Variants in GATB observed in about 807,000 individuals in gnomAD.
GATB encodes the protein glutamyl-tRNA(Gln) amidotransferase subunit B, mitochondrial.
In GATB, 39 loss-of-function variants were observed where a neutral mutation model predicts 62.3. The observed-to-expected ratio is 0.63, with a 90% CI of 0.48 to 0.82. GATB has a LOEUF of 0.82. Ranked by LOEUF, GATB falls within the 40% of genes least tolerant of loss-of-function variation. GATB has a pLI of 0.00. For synonymous variants in GATB, 276 were observed against 258.9 expected (o/e 1.07, Z -0.63); for missense variants, 670 against 684.0 (o/e 0.98, Z 0.23).
At chr4:151,698,150 G>T (rs192312211) in intron 9 of GATB, among the ~76,000 whole-genome samples, 1 of 151,494 alleles carries the variant, frequency 6.6e-6, no homozygotes, top group Admixed American at 6.6e-5. Flanking sequence ...CAGGAACACT[G>T]CTTCTCCCAG....
At chr4:151,671,656 G>T (rs1006007378) in intron 12 of GATB, among the ~76,000 whole-genome samples, 1 of 152,152 alleles carries the variant, frequency 6.6e-6, no homozygotes, top group Non-Finnish European at 1.5e-5. Flanking sequence ...GAATCACTGC[G>T]TCTAATCAGT....
chr4:151,695,363 G>A (rs1318519912), intron 9 of GATB, among the ~76,000 whole-genome samples: 2 of 152,128 alleles, frequency 1.3e-5, no homozygotes, highest in East Asian at 1.9e-4. Context: ...AGCCCTCCCA[G>A]CTCCAAAGTG....
At chr4:151,680,103 C>T (rs927192633) in intron 10 of GATB, among the ~76,000 whole-genome samples, 1 of 152,004 alleles carries the variant, frequency 6.6e-6, no homozygotes, top group Non-Finnish European at 1.5e-5. Context: ...AGTGTTCTTT[C>T]TTTCACCACC....
chr4:151,690,008 T>A (rs558006545), intron 9 of GATB, among the ~76,000 whole-genome samples: 1 of 152,344 alleles, frequency 6.6e-6, no homozygotes. Context: ...CCTTTACCCA[T>A]GGAAATTCAA....
chr4:151,688,643 C>G lies in GATB; in HGVS notation c.1318G>C (p.Ala440Pro). The stretch of plus-strand genomic sequence containing the variant: ...GACCTCACTCACCTCTCACTGACAG[C>G]GAGGTTCTGTTGCTTTAAATAGCCC... Reference protein sequence around the residue: ...FLGYLKQQNLAVSESPVTPSA... With the variant: ...FLGYLKQQNLPVSESPVTPSA... Residue 440 changes from alanine to proline, a missense_variant, in exon 10 of 13, where the codon GCT (alanine) becomes CCT (proline). Coordinates refer to ENST00000263985, the MANE Select transcript of GATB (RefSeq NM_004564.3). 6.2e-7 allele frequency: 1 copy of G among 1,606,590 alleles called. No homozygotes were observed. The highest frequency in any genetic ancestry group is 8.5e-7 in the Non-Finnish European group (1 of 1,178,092).
chr4:151,705,485 C>T (rs550017547), intron 6 of GATB, among the ~76,000 whole-genome samples: 2 of 152,280 alleles, frequency 1.3e-5, no homozygotes, highest in East Asian at 1.9e-4. Context: ...AGGCTCACTC[C>T]GTGTTGAGAC....
In GATB at chr4:151,719,364, C is replaced by T. The variant is rs145379563; in HGVS notation, c.441+61G>A. ...GCCCCTTTCCCTTGCTCCGACCCCC[C>T]ACAGCAGGGCTGGCCCAGCTCTGAG... On this transcript the variant is annotated intron_variant, in intron 3 of 12. Transcript: ENST00000263985. The T allele has an allele frequency of 4.9e-6, 6 of 1,220,338 alleles. No homozygotes were observed. In the Admixed American group the frequency reaches 5.3e-5, roughly 11 times the overall value. The allele number at this position is 1,220,338 out of a possible 1,614,324, so 75.6% of individuals were successfully genotyped here.
intron 9 of GATB, among the ~76,000 whole-genome samples, chr4:151,693,504 C>T (rs1738410097): frequency 9.5e-6 from 1 of 105,096 alleles, no homozygotes; most frequent in Non-Finnish European, 1.9e-5. Flanking sequence ...GAAACACGAC[C>T]CCCCCCTCAA....
intron 2 of GATB, among the ~76,000 whole-genome samples, chr4:151,752,264 T>C (rs1739736002): frequency 6.6e-6 from 1 of 152,212 alleles, no homozygotes; most frequent in South Asian, 2.1e-4. Flanking sequence ...ATTAAGTTTC[T>C]TGACATGCCT....
chr4:151,722,408 C>T (rs2126981044), intron 2 of GATB: 3 of 571,166 alleles, frequency 5.3e-6, no homozygotes, highest in South Asian at 4.5e-5. Context: ...CATTCTGTTA[C>T]CTGAAGTCCC....
intron 2 of GATB, among the ~76,000 whole-genome samples, chr4:151,728,162 C>T (rs1560858696): frequency 6.6e-6 from 1 of 152,124 alleles, no homozygotes; most frequent in African/African-American, 2.4e-5. Context: ...CCTGGATAAC[C>T]TTGTATGCCT....
intron 2 of GATB, chr4:151,720,544 G>A (rs1343883459): frequency 6.6e-6 from 1 of 152,096 alleles, no homozygotes; most frequent in Admixed American, 6.5e-5. Flanking sequence ...TTTTTGTTAG[G>A]ATATTTATGA....
At position 151,672,810 on chromosome 4, in the gene GATB, C is replaced by T. The variant is rs1737902588; in HGVS notation, c.1497G>A (p.Gly499=). 1.9e-6 allele frequency: 3 copies of T among 1,614,184 alleles called. No individual in the cohort carries two copies. Among genetic ancestry groups the T allele is most frequent in the Non-Finnish European group, 2.5e-6 (3 of 1,179,998 alleles). Residue 499 remains glycine, a synonymous_variant, in exon 12 of 13, where the codon GGG becomes GGA. Transcript: ENST00000263985. Reference sequence around the variant, plus strand: ...CAGAGTGGCAGAGCTGCTCCAGTGCCCCCTGGTCCTGCATCAGTTCAAGCT... The same window carrying T: ...CAGAGTGGCAGAGCTGCTCCAGTGCTCCCTGGTCCTGCATCAGTTCAAGCT... ...EKQLELMQDQ[G]ALEQLCHSVM... is the part of the protein sequence containing the mutation.
intron 2 of GATB, among the ~76,000 whole-genome samples, chr4:151,752,065 G>A (rs1194570752): frequency 1.3e-5 from 2 of 152,068 alleles, no homozygotes; most frequent in East Asian, 3.9e-4. Context: ...ACACTGTTGG[G>A]TACCGAATTC....
chr4:151,697,151 AATC>A lies in GATB; in HGVS notation c.1197+4175_1197+4177del, dbSNP rs374914848. Among the ~76,000 whole-genome samples, 23 of 152,332 alleles carry A rather than the reference AATC, an allele frequency of 1.5e-4. No individual in the cohort carries two copies. In the East Asian group the frequency reaches 4.2e-3, roughly 28 times the overall value. ...CTGGGCAACTAGCCAAAGGAAAATA[AATC>A]ATCATTTAAAAAAGATACCTGCAAG... On this transcript the variant is annotated intron_variant, in intron 9 of 12. Transcript: ENST00000263985.
intron 9 of GATB, among the ~76,000 whole-genome samples, chr4:151,699,795 C>T (rs1419084148): frequency 6.6e-6 from 1 of 152,040 alleles, no homozygotes; most frequent in Non-Finnish European, 1.5e-5. Context: ...CACACACACA[C>T]AAATTAATGT....
chr4:151,719,147 GC>G lies in GATB; in HGVS notation c.441+277del, dbSNP rs202205772. Among the ~76,000 whole-genome samples the G allele has an allele frequency of 4.4e-3, 663 of 152,366 alleles. 4 individuals carry two copies. Among genetic ancestry groups the G allele is most frequent in the Middle Eastern group, 0.01 (3 of 294 alleles). ...GCACCAAATACCACGGCCAGGCTGA[GC>G]CTGCAAACACTGGCTTCTACTCCCT... On this transcript the variant is annotated intron_variant, in intron 3 of 12. Transcript: ENST00000263985.
In GATB at chr4:151,719,362, C is replaced by T. The variant is rs572704707; in HGVS notation, c.441+63G>A. ...CAGCCCCTTTCCCTTGCTCCGACCC[C>T]CCACAGCAGGGCTGGCCCAGCTCTG... On this transcript the variant is annotated intron_variant, in intron 3 of 12. Transcript: ENST00000263985. The T allele has an allele frequency of 7.5e-6, 9 of 1,197,610 alleles. No homozygotes were observed. The South Asian group carries it at 7.6e-5, about 10-fold the overall frequency. The allele number at this position is 1,197,610 out of a possible 1,614,324, so 74.2% of individuals were successfully genotyped here.
intron 5 of GATB, among the ~76,000 whole-genome samples, chr4:151,709,098 G>GT (rs1738770503): frequency 6.6e-6 from 1 of 152,206 alleles, no homozygotes; most frequent in Admixed American, 6.5e-5. Context: ...CCAAACCTGA[G>GT]TGTCTTGATG....
Sources: allele counts gnomAD v4.1 joint callset (sites outside exome capture counted in the v4.1 genomes callset), GRCh38; gene constraint gnomAD v4.1.1; transcripts MANE v1.5; gene names NCBI Gene and HGNC (gene_info 2026-07-23, HGNC 2026-07-21).